The following C10orf67 variants were observed in gnomAD, a reference collection of about 807,000 sequenced individuals.
C10orf67 encodes the protein uncharacterized protein C10orf67, mitochondrial.
A neutral mutation model predicts 35.6 loss-of-function variants in C10orf67; 60 were observed. The ratio of observed to expected loss-of-function variants is 1.68; its 90% CI spans 1.37 to 2.09. The LOEUF (loss-of-function observed/expected upper bound fraction) is 2.09, where lower values mean the gene tolerates loss of function less well. Ranked by LOEUF, C10orf67 falls within the 30% of genes most tolerant of loss-of-function variation. C10orf67 has a pLI of 0.00. For synonymous variants in C10orf67, 167 were observed against 115.8 expected (o/e 1.44, Z -2.84); for missense variants, 474 against 330.2 (o/e 1.44, Z -3.38).
intron 1 of C10orf67, among the ~76,000 whole-genome samples, chr10:23,335,885 C>T (rs1588711839): frequency 6.6e-6 from 1 of 152,240 alleles, no homozygotes; most frequent in East Asian, 1.9e-4. Flanking sequence ...GTACCCTCAG[C>T]CTAGGATTAA....
intron 13 of C10orf67, among the ~76,000 whole-genome samples, chr10:23,230,806 A>G (rs1841886841): frequency 6.6e-6 from 1 of 152,224 alleles, no homozygotes; most frequent in African/African-American, 2.4e-5. Flanking sequence ...CAGGTTGGCA[A>G]AAATGATGAA....
At chr10:23,222,998 G>A (rs945090475) in intron 15 of C10orf67, among the ~76,000 whole-genome samples, 1 of 152,098 alleles carries the variant, frequency 6.6e-6, no homozygotes, top group South Asian at 2.1e-4. Context: ...TTTAACAGGA[G>A]CTTCAGGTTT....
At chr10:23,257,197 A>T (rs1288644508) in intron 10 of C10orf67, among the ~76,000 whole-genome samples, 25 of 152,194 alleles carry the variant, frequency 1.6e-4, no homozygotes. Context: ...GACCAACTTC[A>T]GATACAAGGC....
intron 13 of C10orf67, among the ~76,000 whole-genome samples, chr10:23,224,068 T>G (rs1841663262): frequency 6.6e-6 from 1 of 152,222 alleles, no homozygotes; most frequent in African/African-American, 2.4e-5. Context: ...CTCTACTTCC[T>G]TTTGACTGTC....
chr10:23,218,359 GTGGTTCTCAAACCCC>G (rs1232573015), intron 15 of C10orf67, among the ~76,000 whole-genome samples: 1 of 147,602 alleles, frequency 6.8e-6, no homozygotes, highest in Non-Finnish European at 1.5e-5. Context: ...TGTTGCTCAG[GTGGTTCTCAAACCCC>G]TGAGCACAAC....
intron 13 of C10orf67, among the ~76,000 whole-genome samples, chr10:23,236,285 T>C (rs1305691816): frequency 9.3e-6 from 1 of 107,286 alleles, no homozygotes; most frequent in Non-Finnish European, 1.8e-5. Context: ...AAAAAAAAAT[T>C]AGCCAGGTGT....
intron 10 of C10orf67, among the ~76,000 whole-genome samples, chr10:23,259,875 A>G (rs1842701512): frequency 6.6e-6 from 1 of 152,158 alleles, no homozygotes; most frequent in Non-Finnish European, 1.5e-5. Flanking sequence ...AAACTGAAAC[A>G]AAGAAAAAAA....
chr10:23,276,888 G>A (rs980428265), intron 8 of C10orf67, among the ~76,000 whole-genome samples: 8 of 152,122 alleles, frequency 5.3e-5, no homozygotes, highest in Admixed American at 2.6e-4. Flanking sequence ...TGCTAATAGC[G>A]ATGTGCCAGG....
chr10:23,337,398 G>A (rs1179100577), intron 1 of C10orf67, among the ~76,000 whole-genome samples: 2 of 152,144 alleles, frequency 1.3e-5, no homozygotes, highest in African/African-American at 4.8e-5. Flanking sequence ...GCCAGGTGTG[G>A]TGGCAAACAC....
At chr10:23,307,241 T>C (rs1484036529) in intron 4 of C10orf67, among the ~76,000 whole-genome samples, 4 of 152,246 alleles carry the variant, frequency 2.6e-5, no homozygotes, top group Non-Finnish European at 5.9e-5. Context: ...ACCTGTGGTT[T>C]AGTTTGGACT....
chr10:23,290,996 C>T (rs769856822), intron 6 of C10orf67, 136 bp downstream of exon 6: 5 of 582,698 alleles, frequency 8.6e-6, no homozygotes, highest in Non-Finnish European at 1.2e-5. Context: ...TAATAAAAAG[C>T]AAAGATGGCT....
At chr10:23,343,510 G>A (rs899226731) in intron 1 of C10orf67, among the ~76,000 whole-genome samples, 1 of 152,178 alleles carries the variant, frequency 6.6e-6, no homozygotes, top group Non-Finnish European at 1.5e-5. Context: ...AGCAGCCCGA[G>A]GGGACTAAGA....
intron 4 of C10orf67, among the ~76,000 whole-genome samples, chr10:23,312,822 T>C (rs1844547517): frequency 1.3e-5 from 2 of 152,186 alleles, no homozygotes; most frequent in Non-Finnish European, 1.5e-5. Context: ...CATACTTCCA[T>C]CATGTAGATG....
intron 10 of C10orf67, among the ~76,000 whole-genome samples, chr10:23,254,272 A>G (rs895594692): frequency 1.3e-5 from 2 of 152,234 alleles, no homozygotes; most frequent in African/African-American, 4.8e-5. Flanking sequence ...CAATGGCACA[A>G]TATCAGCTCA....
intron 13 of C10orf67, among the ~76,000 whole-genome samples, chr10:23,229,576 G>A (rs937557224): frequency 2.0e-5 from 3 of 151,896 alleles, no homozygotes; most frequent in South Asian, 2.1e-4. Flanking sequence ...AGAACTTAAA[G>A]TATAATAATA....
At chr10:23,329,934 G>A (rs527938693) in intron 2 of C10orf67, among the ~76,000 whole-genome samples, 294 of 152,138 alleles carry the variant, frequency 1.9e-3, no homozygotes, top group South Asian at 3.5e-3. Flanking sequence ...ATCCAGTTAG[G>A]TTTATTTCAG....
chr10:23,277,551 CAA>C lies in C10orf67; in HGVS notation c.975+4460_975+4461del, dbSNP rs200341837. 1.7e-3 allele frequency among the ~76,000 whole-genome samples: 204 copies of C among 118,746 alleles called. 1 individual carries two copies. Among genetic ancestry groups the C allele is most frequent in the African/African-American group, 4.5e-3 (134 of 29,648 alleles). 77.9% of individuals were successfully genotyped at this position (118,746 alleles called of 152,430 possible). ...CTGGGTGACAGAGTATGACCAACTC[CAA>C]AAAAAAAAAAAAAATAATAACACAC... On this transcript the variant is annotated intron_variant, in intron 8 of 15. Transcript: ENST00000636213.
chr10:23,241,962 C>T (rs1273716942), intron 12 of C10orf67, among the ~76,000 whole-genome samples: 1 of 111,020 alleles, frequency 9.0e-6, no homozygotes, highest in Non-Finnish European at 1.9e-5. Flanking sequence ...AAAGAACTGA[C>T]ATTTTTTTTT....
intron 8 of C10orf67, among the ~76,000 whole-genome samples, chr10:23,278,097 A>C (rs775784925): frequency 7.9e-5 from 12 of 152,370 alleles, no homozygotes; most frequent in South Asian, 2.1e-4. Flanking sequence ...ATCTGCCCGC[A>C]TGATACAATC....
Sources: gnomAD v4.1 joint callset for allele counts (sites outside exome capture counted in the v4.1 genomes callset) on GRCh38, gnomAD v4.1.1 for gene constraint, MANE v1.5 for transcripts, NCBI Gene and HGNC (gene_info 2026-07-23, HGNC 2026-07-21) for gene names.